SCN9A: variants seen among roughly 807,000 people sequenced by gnomAD.
SCN9A encodes sodium channel protein type 9 subunit alpha.
A neutral mutation model predicts 187.0 loss-of-function variants in SCN9A; 131 were observed. The observed-to-expected ratio is 0.70, with a 90% confidence interval of 0.61 to 0.81. The LOEUF (loss-of-function observed/expected upper bound fraction) is 0.81, where lower values mean the gene tolerates loss of function less well. Among genes scored for constraint, SCN9A ranks in the 30% least tolerant of loss-of-function variants. The pLI is 0.00. For synonymous variants in SCN9A, 809 were observed against 808.6 expected (o/e 1.00, Z -0.01); for missense variants, 2,252 against 2,396.6 (o/e 0.94, Z 1.26).
intron 9 of SCN9A, among the ~76,000 whole-genome samples, chr2:166,289,191 G>A (rs1463642811): frequency 1.3e-5 from 2 of 151,290 alleles, no homozygotes; most frequent in African/African-American, 4.9e-5. Context: ...TTAAACTGAA[G>A]GTACAGAGAT....
chr2:166,209,453 A>G (rs1693972342), intron 24 of SCN9A, among the ~76,000 whole-genome samples: 1 of 152,188 alleles, frequency 6.6e-6, no homozygotes, highest in Non-Finnish European at 1.5e-5. Flanking sequence ...CATGAACACA[A>G]TGAGGATATC....
At chr2:166,206,910 A>C (rs1693833461) in intron 24 of SCN9A, among the ~76,000 whole-genome samples, 1 of 152,190 alleles carries the variant, frequency 6.6e-6, no homozygotes, top group African/African-American at 2.4e-5. Context: ...GGAAGTTATC[A>C]ATTATCATAC....
At chr2:166,263,519 T>C (rs1157794878) in intron 17 of SCN9A, among the ~76,000 whole-genome samples, 1 of 152,018 alleles carries the variant, frequency 6.6e-6, no homozygotes, top group Non-Finnish European at 1.5e-5. Context: ...TGCCACCAAA[T>C]TAAACTCTGT....
rs759796745 is a variant in SCN9A, at chr2:166,227,633, A to G, written c.4260+37T>C. On this transcript the variant is annotated intron_variant, in intron 23 of 26. Coordinates refer to ENST00000642356, the MANE Select transcript of SCN9A (RefSeq NM_001365536.1). ...CACTGAAATAAACTAAGAAGCTTTT[A>G]AAAATAAAGTTTAGTGCTAAGATAA... 3.0e-5 allele frequency: 37 copies of G among 1,213,672 alleles called. 1 individual carries two copies. The highest frequency in any genetic ancestry group is 1.9e-4 in the Middle Eastern group (1 of 5,388). 75.2% of individuals were successfully genotyped at this position (1,213,672 alleles called of 1,614,324 possible).
chr2:166,360,222 AAAAAAAAAAAAAAG>A (rs1052927817), intron 1 of SCN9A, among the ~76,000 whole-genome samples: 2 of 99,864 alleles, frequency 2.0e-5, no homozygotes, highest in African/African-American at 5.8e-5. Context: ...TCTGTCTCAA[AAAAAAAAAAAAAAG>A]AAAAAAAAAA....
chr2:166,356,918 A>T (rs931443272), intron 1 of SCN9A, among the ~76,000 whole-genome samples: 1 of 151,962 alleles, frequency 6.6e-6, no homozygotes, highest in Admixed American at 6.6e-5. Context: ...TTATCTTCTC[A>T]TTAGTTTTTT....
At chr2:166,281,624 G>A in intron 13 of SCN9A, 55 bp downstream of exon 13, 2 of 1,541,938 alleles carry the variant, frequency 1.3e-6, no homozygotes, top group South Asian at 1.2e-5. Context: ...AGGTTGACCA[G>A]ATTTATGTTA....
At chr2:166,337,010 T>A (rs989221431) in intron 1 of SCN9A, among the ~76,000 whole-genome samples, 2 of 152,118 alleles carry the variant, frequency 1.3e-5, no homozygotes, top group African/African-American at 4.8e-5. Context: ...AATGATCAAG[T>A]CCATATTTTG....
intron 17 of SCN9A, 142 bp downstream of exon 17, chr2:166,272,257 G>T (rs1331910215): frequency 1.9e-6 from 1 of 534,678 alleles, no homozygotes; most frequent in Non-Finnish European, 3.2e-6. Context: ...TCTTCAGGAA[G>T]CTGTTGTGTA....
intron 1 of SCN9A, among the ~76,000 whole-genome samples, chr2:166,335,765 A>AT (rs199968973): frequency 0.014 from 2,089 of 152,190 alleles, 43 homozygotes; most frequent in African/African-American, 0.048. Flanking sequence ...GATTTAGCTG[A>AT]TTTTCAGAGC....
intron 24 of SCN9A, among the ~76,000 whole-genome samples, chr2:166,209,162 G>T (rs1366486846): frequency 6.6e-6 from 1 of 152,222 alleles, no homozygotes; most frequent in Non-Finnish European, 1.5e-5. Flanking sequence ...GTCAAAGTCA[G>T]TCCATAAATC....
intron 24 of SCN9A, among the ~76,000 whole-genome samples, chr2:166,212,031 G>C (rs902852557): frequency 6.6e-6 from 1 of 152,100 alleles, no homozygotes; most frequent in African/African-American, 2.4e-5. Context: ...CCAGATACTC[G>C]TTTCAGATTT....
chr2:166,321,876 A>C (rs1394344849), intron 1 of SCN9A, among the ~76,000 whole-genome samples: 4 of 146,932 alleles, frequency 2.7e-5, no homozygotes, highest in Non-Finnish European at 5.9e-5. Context: ...AGTTTTGCTC[A>C]TACTCACTCA....
chr2:166,197,937 A>T lies in SCN9A; in HGVS notation c.*735T>A, dbSNP rs200561764. The T allele has an allele frequency of 1.1e-4, 16 of 152,150 alleles. No individual in the cohort carries two copies. The highest frequency in any genetic ancestry group is 2.1e-4 in the Non-Finnish European group (14 of 68,000). The allele number at this position is 152,150 out of a possible 1,614,324, so 9.4% of individuals were successfully genotyped here. On this transcript the variant is annotated 3_prime_UTR_variant, in exon 27 of 27. Transcript: ENST00000642356. ...TTCAAGTTCTGTGGTTATTCTATGA[A>T]CAAAAAGGGATATGAAAGAAGAAAG...
chr2:166,288,631 C>T lies in SCN9A; in HGVS notation c.1120G>A (p.Ala374Thr), dbSNP rs778475749. ...ENLYQQTLRA[A>T]GKTYMIFFVV... ...AAGAAGATCATGTAGGTTTTGCCAG[C>T]AGCACGCAGCGTCTAGGGAAAAATG... Residue 374 changes from alanine to threonine, a missense_variant, in exon 10 of 27, where the codon GCT becomes ACT. Transcript: ENST00000642356. 1.0e-5 allele frequency: 16 copies of T among 1,593,972 alleles called. No individual in the cohort carries two copies. The South Asian group carries it at 1.0e-4, about 10-fold the overall frequency.
intron 1 of SCN9A, among the ~76,000 whole-genome samples, chr2:166,339,043 T>G (rs1024995504): frequency 6.6e-6 from 1 of 152,186 alleles, no homozygotes; most frequent in Non-Finnish European, 1.5e-5. Context: ...GGCATCTGAA[T>G]TTTTATCGAT....
At chr2:166,321,159 A>G (rs2105245489) in intron 1 of SCN9A, among the ~76,000 whole-genome samples, 1 of 152,352 alleles carries the variant, frequency 6.6e-6, no homozygotes, top group East Asian at 1.9e-4. Context: ...TTTGGTTTGA[A>G]GACAATGAAT....
chr2:166,303,024 T>A, intron 7 of SCN9A, 66 bp downstream of exon 7: 1 of 1,165,322 alleles, frequency 8.6e-7, no homozygotes, highest in Non-Finnish European at 1.2e-6. Flanking sequence ...CAACATTTCA[T>A]TATTAAAAGA....
chr2:166,341,442 C>T (rs563269397), intron 1 of SCN9A, among the ~76,000 whole-genome samples: 1 of 152,310 alleles, frequency 6.6e-6, no homozygotes, highest in South Asian at 2.1e-4. Flanking sequence ...AGTTCAGTGG[C>T]TTCTCCCACT....
Sources: gnomAD v4.1 joint callset for allele counts (sites outside exome capture counted in the v4.1 genomes callset) on GRCh38, gnomAD v4.1.1 for gene constraint, MANE v1.5 for transcripts, NCBI Gene and HGNC (gene_info 2026-07-23, HGNC 2026-07-21) for gene names.